BACH2: variants seen among roughly 807,000 people sequenced by gnomAD.
BACH2 encodes the protein transcription regulator protein BACH2.
In BACH2, 5 loss-of-function variants were observed where a neutral mutation model predicts 61.8. That is an observed-to-expected ratio of 0.08 (90% CI 0.04 to 0.17). The LOEUF is 0.17. Among genes scored for constraint, BACH2 ranks in the 10% least tolerant of loss-of-function variants. BACH2 has a pLI of 1.00. For missense variants in BACH2, 824 were observed against 1,091.1 expected (o/e 0.76, Z 3.45); for synonymous variants, 446 against 440.1 (o/e 1.01, Z -0.17).
At chr6:90,242,086 T>C (rs1008917560) in intron 3 of BACH2, among the ~76,000 whole-genome samples, 13 of 152,206 alleles carry the variant, frequency 8.5e-5, no homozygotes, top group African/African-American at 3.1e-4. Context: ...CCAATGATGA[T>C]ATAGGATTAA....
chr6:90,171,477 C>T (rs1397829045), intron 4 of BACH2, among the ~76,000 whole-genome samples: 1 of 151,262 alleles, frequency 6.6e-6, no homozygotes, highest in Non-Finnish European at 1.5e-5. Flanking sequence ...ATTACATATC[C>T]ATGTGCCCTT....
chr6:90,157,604 G>A (rs1410994217), intron 4 of BACH2, among the ~76,000 whole-genome samples: 2 of 152,088 alleles, frequency 1.3e-5, no homozygotes, highest in Non-Finnish European at 2.9e-5. Flanking sequence ...AACCCATACC[G>A]CTGTGCATGA....
At position 89,950,495 on chromosome 6, in the gene BACH2, G is replaced by A. The variant is rs1251444839; in HGVS notation, c.1611C>T (p.Pro537=). The stretch of plus-strand genomic sequence containing the variant: ...AGAACTCACAGAGAGGGAGGCTGCA[G>A]GGTGAGCCCCCGCTCCCGTCCTCCG... ...SYAEDGSGGS[P]CSLPLCEFSS... The change falls in exon 7 of 9, where the codon CCC becomes CCT. Residue 537 remains proline, a synonymous_variant. Coordinates refer to ENST00000257749, the MANE Select transcript of BACH2 (RefSeq NM_021813.4). The surrounding 1 kb of genome is among the most constrained non-coding windows in gnomAD (Gnocchi z 5.3). The A allele has an allele frequency of 9.3e-6, 15 of 1,614,088 alleles. No homozygotes were observed. Among genetic ancestry groups the A allele is most frequent in the Non-Finnish European group, 1.3e-5 (15 of 1,179,950 alleles).
chr6:90,235,170 C>T (rs886656470), intron 3 of BACH2, among the ~76,000 whole-genome samples: 6 of 152,140 alleles, frequency 3.9e-5, no homozygotes, highest in Admixed American at 1.3e-4. Context: ...GAGCATTAAA[C>T]GAAGTCACAC....
chr6:90,054,237 C>T (rs529842950), intron 5 of BACH2, among the ~76,000 whole-genome samples: 23 of 152,286 alleles, frequency 1.5e-4, no homozygotes, highest in African/African-American at 3.8e-4. Flanking sequence ...CGGTGACAGA[C>T]GGCACCTGGA....
intron 4 of BACH2, among the ~76,000 whole-genome samples, chr6:90,115,527 G>C (rs1207841342): frequency 6.6e-6 from 1 of 152,104 alleles, no homozygotes; most frequent in African/African-American, 2.4e-5. Flanking sequence ...ATTCAAGATG[G>C]ATTAAACACT....
At chr6:90,190,591 TA>T (rs1314482175) in intron 4 of BACH2, among the ~76,000 whole-genome samples, 1 of 152,252 alleles carries the variant, frequency 6.6e-6, no homozygotes, top group Non-Finnish European at 1.5e-5. Flanking sequence ...TTGCCTGTGA[TA>T]GTCTGTGTAC....
chr6:90,071,717 A>G (rs1781235823), intron 5 of BACH2, among the ~76,000 whole-genome samples: 1 of 152,156 alleles, frequency 6.6e-6, no homozygotes. Flanking sequence ...TCTACATATC[A>G]CTTCTGACTC....
intron 3 of BACH2, among the ~76,000 whole-genome samples, chr6:90,213,152 A>T (rs1486482354): frequency 6.6e-6 from 1 of 152,168 alleles, no homozygotes; most frequent in Admixed American, 6.5e-5. Flanking sequence ...AGAAAGAATG[A>T]GATGAGTGAA....
At chr6:90,147,528 G>A (rs1162157045) in intron 4 of BACH2, among the ~76,000 whole-genome samples, 1 of 152,150 alleles carries the variant, frequency 6.6e-6, no homozygotes, top group Non-Finnish European at 1.5e-5. Context: ...TACAACAGTA[G>A]TTTCATTGTC....
chr6:90,041,334 C>A (rs1033769118), intron 5 of BACH2, among the ~76,000 whole-genome samples: 40 of 151,328 alleles, frequency 2.6e-4, no homozygotes, highest in African/African-American at 9.2e-4. Context: ...AAGGAGGTAT[C>A]CATCACTTCT....
At chr6:89,955,747 A>C (rs1003056830) in intron 6 of BACH2, among the ~76,000 whole-genome samples, 1 of 152,164 alleles carries the variant, frequency 6.6e-6, no homozygotes, top group African/African-American at 2.4e-5. Flanking sequence ...AAATTCATTC[A>C]TTATACTCAG....
intron 5 of BACH2, among the ~76,000 whole-genome samples, chr6:90,061,208 A>AT: frequency 6.6e-6 from 1 of 152,290 alleles, no homozygotes; most frequent in Non-Finnish European, 1.5e-5. Flanking sequence ...CAGGTGAGAA[A>AT]TTGAAGCAAC....
intron 5 of BACH2, among the ~76,000 whole-genome samples, chr6:90,053,800 T>C (rs1419001560): frequency 1.3e-5 from 2 of 152,252 alleles, no homozygotes; most frequent in African/African-American, 2.4e-5. Flanking sequence ...AGTCTAAGTA[T>C]TGTTCCTCTG....
intron 6 of BACH2, among the ~76,000 whole-genome samples, chr6:89,959,606 G>A (rs9362708): frequency 0.15 from 22,870 of 152,134 alleles, 1,784 homozygotes; most frequent in East Asian, 0.19. Flanking sequence ...CTCTCTGTGC[G>A]TGTGTATCTC....
At chr6:90,275,008 C>A (rs1321997137) in intron 1 of BACH2, among the ~76,000 whole-genome samples, 1 of 152,208 alleles carries the variant, frequency 6.6e-6, no homozygotes, top group Non-Finnish European at 1.5e-5. Flanking sequence ...CTAGTCTTTG[C>A]TTTGGCACCA....
chr6:90,191,625 C>A (rs571650983), intron 4 of BACH2, among the ~76,000 whole-genome samples: 1 of 152,182 alleles, frequency 6.6e-6, no homozygotes, highest in Admixed American at 6.5e-5. Context: ...TATCTAGACA[C>A]GTGATTATTG....
chr6:90,057,980 A>G (rs1054834342), intron 5 of BACH2, among the ~76,000 whole-genome samples: 21 of 152,364 alleles, frequency 1.4e-4, no homozygotes, highest in African/African-American at 5.0e-4. Flanking sequence ...TCTCAAAATA[A>G]TAAGAGCTAT....
chr6:89,950,291 A>C lies in BACH2; in HGVS notation c.1815T>G (p.Pro605=). 6.2e-7 allele frequency: 1 copy of C among 1,614,156 alleles called. No homozygotes were observed. Among genetic ancestry groups the C allele is most frequent in the Non-Finnish European group, 8.5e-7 (1 of 1,180,024 alleles). ...CTACCTCCTGGCCCCTGTCCTGCAC[A>C]GGACACGACTCACTGTCTGCTTCCG... ...SFSEADSESC[P]VQDRGQEVKL... The change falls in exon 7 of 9, where the codon CCT becomes CCG. Residue 605 remains proline, a synonymous_variant. Coordinates refer to ENST00000257749, the MANE Select transcript of BACH2 (RefSeq NM_021813.4). The surrounding 1 kb of genome is among the most constrained non-coding windows in gnomAD (Gnocchi z 5.3).
Sources: allele counts gnomAD v4.1 joint callset (sites outside exome capture counted in the v4.1 genomes callset), GRCh38; gene constraint gnomAD v4.1.1; non-coding constraint Gnocchi (gnomAD v3.1); transcripts MANE v1.5; gene names NCBI Gene and HGNC (gene_info 2026-07-23, HGNC 2026-07-21).